Variants in CDKL5 observed in about 807,000 individuals in gnomAD.
The protein encoded by CDKL5 is cyclin dependent kinase like 5.
CDKL5 carries 8 observed loss-of-function variants against 61.7 expected under a neutral mutation model. The ratio of observed to expected loss-of-function variants is 0.13; its 90% CI spans 0.08 to 0.23. The LOEUF is 0.23. Ranked by LOEUF, CDKL5 falls within the 10% of genes least tolerant of loss-of-function variation. The probability of loss-of-function intolerance (pLI) is 1.00; values close to 1 mark genes in which losing one functional copy is unlikely to be tolerated. For synonymous variants in CDKL5, 275 were observed against 272.3 expected (o/e 1.01, Z -0.10); for missense variants, 440 against 734.5 (o/e 0.60, Z 4.63).
intron 1 of CDKL5, among the ~76,000 whole-genome samples, chrX:18,436,731 T>C (rs921263399): frequency 5.6e-5 from 6 of 107,326 alleles, no homozygotes; most frequent in African/African-American, 2.0e-4. Flanking sequence ...AAAACCCCAT[T>C]TCTACAAAAA....
intron 1 of CDKL5, among the ~76,000 whole-genome samples, chrX:18,437,583 G>A (rs1022063829): frequency 8.9e-6 from 1 of 112,059 alleles, no homozygotes; most frequent in Non-Finnish European, 1.9e-5. Flanking sequence ...GAAATCACAT[G>A]TGAGCACCCA....
intron 4 of CDKL5, among the ~76,000 whole-genome samples, chrX:18,567,691 G>A (rs2147134362): frequency 9.0e-6 from 1 of 111,452 alleles, no homozygotes; most frequent in East Asian, 2.8e-4. Context: ...GACCAGCCTG[G>A]GCAACATGGC....
chrX:18,504,932 C>CA (rs1287470678), intron 1 of CDKL5, among the ~76,000 whole-genome samples: 1,201 of 41,081 alleles, frequency 0.029, 15 homozygotes, highest in Admixed American at 0.085. Flanking sequence ...AACTCCGTCT[C>CA]AAAAAAAAAA....
intron 1 of CDKL5, among the ~76,000 whole-genome samples, chrX:18,489,173 C>G (rs1396579840): frequency 1.8e-5 from 2 of 110,353 alleles, no homozygotes; most frequent in Non-Finnish European, 3.8e-5. Context: ...GGCTGGAATG[C>G]AGTGGCATGA....
At chrX:18,573,731 T>C (rs1411715454) in intron 4 of CDKL5, among the ~76,000 whole-genome samples, 1 of 112,332 alleles carries the variant, frequency 8.9e-6, no homozygotes, top group Non-Finnish European at 1.9e-5. Context: ...TCCTAATCTG[T>C]GTTCCAGTGT....
chrX:18,429,997 G>A (rs1022231191), intron 1 of CDKL5, among the ~76,000 whole-genome samples: 2 of 111,709 alleles, frequency 1.8e-5, no homozygotes, highest in African/African-American at 6.5e-5. Context: ...GAAGGTATAT[G>A]TATGCTTCTT....
At chrX:18,615,108 C>G (rs1430650887) in intron 15 of CDKL5, among the ~76,000 whole-genome samples, 1 of 112,150 alleles carries the variant, frequency 8.9e-6, no homozygotes, top group Non-Finnish European at 1.9e-5. Flanking sequence ...TTAGTTGAGT[C>G]TTCATCAGGT....
chrX:18,457,858 C>T (rs1026273108), intron 1 of CDKL5, among the ~76,000 whole-genome samples: 2 of 106,204 alleles, frequency 1.9e-5, no homozygotes, highest in African/African-American at 6.9e-5. Context: ...TCGTGATTGA[C>T]CTGCCTGGGC....
rs370877544 is a variant in CDKL5 at position 18,631,065 on chromosome X, A to G, written c.*2308A>G. ...CACGGTCCCGTTGCCATGCTGTGGC[A>G]TTCGAGGCTCGTCACCTAGGGGCTG... On this transcript the variant is annotated 3_prime_UTR_variant, in exon 18 of 18. Transcript: ENST00000623535. The G allele has an allele frequency of 4.7e-5, 35 of 749,364 alleles. No individual in the cohort carries two copies. In the East Asian group the frequency reaches 4.5e-3, roughly 95 times the overall value. 61.8% of individuals were successfully genotyped at this position (749,364 alleles called of 1,213,427 possible). A position where few individuals can be genotyped will look rare whatever the true frequency, so the allele number is the denominator to read the frequency against.
intron 4 of CDKL5, 102 bp from the exon 5 acceptor site, chrX:18,575,252 A>G (rs1281400462): frequency 6.8e-6 from 5 of 731,508 alleles, no homozygotes; most frequent in African/African-American, 6.3e-5. Context: ...GAAGTACTCA[A>G]AGCAGAAGGT....
rs186174997 is a variant in CDKL5 at position 18,545,190 on chromosome X, C to T, written c.100-19287C>T. 1.5e-3 allele frequency among the ~76,000 whole-genome samples: 164 copies of T among 110,176 alleles called. 3 individuals carry two copies. The East Asian group carries it at 0.041, about 28-fold the overall frequency. Reference sequence around the variant, plus strand: ...TGTCGAGGCTGCAGTGAGCCATGATCGAGCCACTGCACTCCCGCCTGGGTG... The same window carrying T: ...TGTCGAGGCTGCAGTGAGCCATGATTGAGCCACTGCACTCCCGCCTGGGTG... On this transcript the variant is annotated intron_variant, in intron 3 of 17. Coordinates refer to ENST00000623535, the MANE Select transcript of CDKL5 (RefSeq NM_001323289.2).
intron 4 of CDKL5, among the ~76,000 whole-genome samples, chrX:18,571,007 G>A (rs1038374284): frequency 9.0e-6 from 1 of 111,362 alleles, no homozygotes; most frequent in Admixed American, 9.5e-5. Flanking sequence ...CCCCCTCAGT[G>A]GTAACTGATG....
intron 21 of CDKL5, among the ~76,000 whole-genome samples, chrX:18,651,081 C>T (rs1928007176): frequency 9.1e-6 from 1 of 109,877 alleles, no homozygotes; most frequent in Admixed American, 9.8e-5. Flanking sequence ...ATCCATTGCC[C>T]CTCTATCCTA....
chrX:18,634,836 T>C lies in CDKL5; in HGVS notation c.*6079T>C. ...GGTAGTTATTCTGTATATACTTAGC[T>C]AACTATTCAGAGCTTCTTCAATCTC... On this transcript the variant is annotated 3_prime_UTR_variant, in exon 18 of 18. Coordinates refer to ENST00000623535, the MANE Select transcript of CDKL5 (RefSeq NM_001323289.2). The C allele has an allele frequency of 1.3e-6, 1 of 750,134 alleles. No individual in the cohort carries two copies. The highest frequency in any genetic ancestry group is 1.6e-6 in the Non-Finnish European group (1 of 636,523). The allele number at this position is 750,134 out of a possible 1,213,427, so 61.8% of individuals were successfully genotyped here.
intron 3 of CDKL5, among the ~76,000 whole-genome samples, chrX:18,521,121 A>G (rs564434491): frequency 2.7e-5 from 3 of 112,218 alleles, no homozygotes; most frequent in African/African-American, 6.5e-5. Flanking sequence ...CATTTCCCCA[A>G]TGATGAGTGA....
chrX:18,509,197 G>GCACGCACGCGCGCGCACACACACA, intron 2 of CDKL5, among the ~76,000 whole-genome samples: 1 of 64,308 alleles, frequency 1.6e-5, no homozygotes, highest in South Asian at 1.1e-3. Flanking sequence ...CTCAAAACAC[G>GCACGCACGCGCGCGCACACACACA]CACACACACA....
At chrX:18,611,467 G>A (rs1345570015) in intron 14 of CDKL5, among the ~76,000 whole-genome samples, 1 of 109,603 alleles carries the variant, frequency 9.1e-6, no homozygotes, top group Non-Finnish European at 1.9e-5. Flanking sequence ...GAATTTTATG[G>A]GACTAAGCTT....
At chrX:18,553,950 G>T (rs140306214) in intron 3 of CDKL5, among the ~76,000 whole-genome samples, 1,115 of 110,857 alleles carry the variant, frequency 0.01, 5 homozygotes, top group Non-Finnish European at 0.014. Flanking sequence ...TACTCTTAGC[G>T]TACCATTTAA....
intron 1 of CDKL5, among the ~76,000 whole-genome samples, chrX:18,473,394 G>A (rs1921174853): frequency 9.0e-6 from 1 of 110,871 alleles, no homozygotes; most frequent in Non-Finnish European, 1.9e-5. Flanking sequence ...TTTTAGAATA[G>A]TACAGTATTT....
Sources: gnomAD v4.1 joint callset for allele counts (sites outside exome capture counted in the v4.1 genomes callset) on GRCh38, gnomAD v4.1.1 for gene constraint, MANE v1.5 for transcripts, NCBI Gene and HGNC (gene_info 2026-07-23, HGNC 2026-07-21) for gene names.